Variants in TUSC3 observed in about 807,000 individuals in gnomAD.
TUSC3 encodes dolichyl-diphosphooligosaccharide--protein glycosyltransferase subunit TUSC3.
Under a neutral mutation model 44.8 loss-of-function variants are expected in TUSC3, and 45 were observed. That is an observed-to-expected ratio of 1.00 (90% CI 0.79 to 1.29). The LOEUF is 1.29. Ranked by LOEUF, TUSC3 falls within the 50% of genes most tolerant of loss-of-function variation. The pLI, the probability that TUSC3 is intolerant of heterozygous loss-of-function variation, is 0.00. For synonymous variants in TUSC3, 212 were observed against 152.9 expected (o/e 1.39, Z -2.85); for missense variants, 519 against 437.9 (o/e 1.19, Z -1.65).
At chr8:15,631,433 C>T (rs114761824) in intron 2 of TUSC3, among the ~76,000 whole-genome samples, 3,422 of 152,062 alleles carry the variant, frequency 0.023, 120 homozygotes, top group African/African-American at 0.076. Flanking sequence ...GCTATAGTCT[C>T]TTCATCTTTT....
At chr8:15,782,651 A>G in the TUSC3 span, among the ~76,000 whole-genome samples, 2 of 152,214 alleles carry the variant, frequency 1.3e-5, no homozygotes, top group African/African-American at 2.4e-5. Context: ...ATTAATCTCA[A>G]TAGATGTACT....
intron 1 of TUSC3, among the ~76,000 whole-genome samples, chr8:15,428,638 C>A (rs1222898252): frequency 6.6e-6 from 1 of 152,134 alleles, no homozygotes; most frequent in Non-Finnish European, 1.5e-5. Flanking sequence ...CCTGTTGTTT[C>A]CTGACTTTGT....
rs117888963 is a variant in TUSC3 at position 15,694,650 on chromosome 8, T to C, written c.798+20814T>C. On this transcript the variant is annotated intron_variant, in intron 6 of 10. Coordinates refer to ENST00000503731, the MANE Select transcript of TUSC3 (RefSeq NM_006765.4). ...GATATCCTTGGGGCCTTGATTATGG[T>C]ATAAGGTGGGCATGGTTGACTGGCT... is the stretch of plus-strand genomic sequence containing the variant. Among the ~76,000 whole-genome samples, 515 of 152,122 alleles carry C rather than the reference T, an allele frequency of 3.4e-3. 7 individuals carry two copies. The East Asian group carries it at 0.035, about 10-fold the overall frequency.
At chr8:15,834,660 T>C in the TUSC3 span, among the ~76,000 whole-genome samples, 2 of 152,208 alleles carry the variant, frequency 1.3e-5, no homozygotes, top group Non-Finnish European at 2.9e-5. Context: ...TTTCCTATCA[T>C]TGAAACAACT....
the TUSC3 span, among the ~76,000 whole-genome samples, chr8:15,851,347 A>T: frequency 1.3e-5 from 2 of 152,200 alleles, no homozygotes; most frequent in Non-Finnish European, 2.9e-5. Flanking sequence ...CTAGAGAAAA[A>T]GGGACAATGT....
chr8:15,572,939 TA>T (rs1802932249), intron 1 of TUSC3, among the ~76,000 whole-genome samples: 1 of 151,756 alleles, frequency 6.6e-6, no homozygotes, highest in Non-Finnish European at 1.5e-5. Context: ...CCATAACAAA[TA>T]ATAATAATGA....
intron 2 of TUSC3, among the ~76,000 whole-genome samples, chr8:15,484,707 G>A (rs577113091): frequency 4.9e-4 from 75 of 152,264 alleles, no homozygotes; most frequent in African/African-American, 1.8e-3. Flanking sequence ...GCACAGTGGC[G>A]CAGAGTCAGA....
chr8:15,676,499 T>A (rs1314540145), intron 6 of TUSC3, among the ~76,000 whole-genome samples: 1 of 152,214 alleles, frequency 6.6e-6, no homozygotes, highest in Admixed American at 6.6e-5. Flanking sequence ...GACTATTTTT[T>A]ATTTTGTTTA....
intron 2 of TUSC3, among the ~76,000 whole-genome samples, chr8:15,513,359 TG>T (rs1254535813): frequency 3.3e-5 from 5 of 152,318 alleles, no homozygotes; most frequent in African/African-American, 1.2e-4. Context: ...TGGAAGTTGC[TG>T]GTTGGAAGTA....
At chr8:15,564,622 G>C (rs1394229188) in intron 1 of TUSC3, among the ~76,000 whole-genome samples, 1 of 152,090 alleles carries the variant, frequency 6.6e-6, no homozygotes, top group Non-Finnish European at 1.5e-5. Flanking sequence ...TGGTGTGCCA[G>C]ACCTGTTTAC....
At chr8:15,503,239 A>G (rs1462525422) in intron 2 of TUSC3, among the ~76,000 whole-genome samples, 1 of 152,140 alleles carries the variant, frequency 6.6e-6, no homozygotes, top group Non-Finnish European at 1.5e-5. Flanking sequence ...GTGGGAAGAC[A>G]CAAGGACAAT....
chr8:15,795,820 C>T, the TUSC3 span, among the ~76,000 whole-genome samples: 3 of 152,136 alleles, frequency 2.0e-5, no homozygotes, highest in Non-Finnish European at 2.9e-5. Flanking sequence ...GCAGTCAATC[C>T]TTATTTTGGA....
intron 6 of TUSC3, among the ~76,000 whole-genome samples, chr8:15,688,117 T>C (rs903359791): frequency 6.6e-6 from 1 of 152,144 alleles, no homozygotes; most frequent in Non-Finnish European, 1.5e-5. Context: ...GAAAATTGTG[T>C]AGTACATTGG....
chr8:15,589,490 G>T (rs79035108), intron 1 of TUSC3, among the ~76,000 whole-genome samples: 10,246 of 152,200 alleles, frequency 0.067, 435 homozygotes, highest in Middle Eastern at 0.099. Flanking sequence ...ATAGTATAAA[G>T]AGGGGTTTAA....
intron 1 of TUSC3, among the ~76,000 whole-genome samples, chr8:15,542,494 G>A (rs528035000): frequency 6.6e-6 from 1 of 152,126 alleles, no homozygotes; most frequent in Non-Finnish European, 1.5e-5. Flanking sequence ...TGCCCTCGGT[G>A]GAGAAGAGGG....
intron 1 of TUSC3, among the ~76,000 whole-genome samples, chr8:15,547,850 A>G (rs760896887): frequency 5.3e-5 from 8 of 151,602 alleles, no homozygotes; most frequent in African/African-American, 1.7e-4. Context: ...AAGAAAATTT[A>G]TTTTTCACTT....
At chr8:15,536,069 T>C (rs568608887), upstream of TUSC3, among the ~76,000 whole-genome samples, 3 of 152,318 alleles carry the variant, frequency 2.0e-5, no homozygotes, top group South Asian at 6.2e-4. Context: ...ACACTTCTCC[T>C]TCCAGTGTGC....
intron 1 of TUSC3, among the ~76,000 whole-genome samples, chr8:15,465,058 C>T (rs971947904): frequency 6.6e-6 from 1 of 152,136 alleles, no homozygotes; most frequent in African/African-American, 2.4e-5. Context: ...CTATGTTGGC[C>T]AGGATGGTCT....
At chr8:15,792,470 C>T in the TUSC3 span, among the ~76,000 whole-genome samples, 6 of 152,132 alleles carry the variant, frequency 3.9e-5, no homozygotes, top group Non-Finnish European at 5.9e-5. Context: ...TGAATTTAGC[C>T]TAGAGTAAAA....
Sources: gnomAD v4.1 joint callset for allele counts (sites outside exome capture counted in the v4.1 genomes callset) on GRCh38, gnomAD v4.1.1 for gene constraint, MANE v1.5 for transcripts, NCBI Gene and HGNC (gene_info 2026-07-23, HGNC 2026-07-21) for gene names.